The following FGGY variants were observed in gnomAD, a reference collection of about 807,000 sequenced individuals.
The protein encoded by FGGY is FGGY carbohydrate kinase domain containing.
In FGGY, 72 loss-of-function variants were observed where a neutral mutation model predicts 71.3. The observed-to-expected ratio is 1.01, with a 90% CI of 0.84 to 1.23. FGGY has a LOEUF of 1.23. Ranked by LOEUF, FGGY falls within the 50% of genes most tolerant of loss-of-function variation. The probability of loss-of-function intolerance (pLI) is 0.00; values close to 1 mark genes in which losing one functional copy is unlikely to be tolerated. For missense variants in FGGY, 668 were observed against 682.3 expected (o/e 0.98, Z 0.23); for synonymous variants, 251 against 250.3 (o/e 1.00, Z -0.02).
intron 10 of FGGY, among the ~76,000 whole-genome samples, chr1:59,637,490 G>A (rs1176376117): frequency 1.3e-5 from 2 of 151,940 alleles, no homozygotes; most frequent in Non-Finnish European, 1.5e-5. Flanking sequence ...AAAATTAGCT[G>A]GGTGGGGAGG....
At chr1:59,348,536 C>T (rs1336088271) in intron 4 of FGGY, among the ~76,000 whole-genome samples, 3 of 152,098 alleles carry the variant, frequency 2.0e-5, no homozygotes, top group African/African-American at 7.2e-5. Flanking sequence ...GACTTGAAAA[C>T]CTCTAGGTGG....
At chr1:59,722,497 C>T (rs1370192793) in intron 14 of FGGY, among the ~76,000 whole-genome samples, 2 of 152,118 alleles carry the variant, frequency 1.3e-5, no homozygotes, top group African/African-American at 2.4e-5. Context: ...GGAGATTTGT[C>T]TCTTCTCATT....
At chr1:59,412,280 T>C (rs76392590) in intron 5 of FGGY, among the ~76,000 whole-genome samples, 1,797 of 152,272 alleles carry the variant, frequency 0.012, 19 homozygotes, top group African/African-American at 0.041. Context: ...TTCCCACACA[T>C]GTACAACCTG....
At chr1:59,706,231 A>G (rs1369811512) in intron 14 of FGGY, among the ~76,000 whole-genome samples, 1 of 152,188 alleles carries the variant, frequency 6.6e-6, no homozygotes, top group African/African-American at 2.4e-5. Context: ...TCTTAAGGCA[A>G]CACAGCACTA....
At chr1:59,301,172 G>A (rs2042685074) in intron 1 of FGGY, among the ~76,000 whole-genome samples, 1 of 151,882 alleles carries the variant, frequency 6.6e-6, no homozygotes, top group Non-Finnish European at 1.5e-5. Flanking sequence ...TCAATATGTA[G>A]GTCTTACACA....
intron 8 of FGGY, among the ~76,000 whole-genome samples, chr1:59,593,195 CAG>C (rs2096477834): frequency 6.6e-6 from 1 of 152,214 alleles, no homozygotes; most frequent in South Asian, 2.1e-4. Flanking sequence ...TGAATCAAAA[CAG>C]AAATGAACCA....
intron 5 of FGGY, among the ~76,000 whole-genome samples, chr1:59,419,823 G>A (rs1392670731): frequency 1.4e-5 from 2 of 146,738 alleles, no homozygotes; most frequent in Non-Finnish European, 3.0e-5. Flanking sequence ...CAAATTATGT[G>A]TCAATGGATT....
chr1:59,427,439 G>T (rs569462629), intron 5 of FGGY, among the ~76,000 whole-genome samples: 1 of 152,292 alleles, frequency 6.6e-6, no homozygotes, highest in African/African-American at 2.4e-5. Flanking sequence ...GGAGGTAAGA[G>T]TTGGTTACCT....
intron 14 of FGGY, chr1:59,699,250 C>T (rs2097689968): frequency 2.2e-5 from 22 of 985,106 alleles, no homozygotes; most frequent in Non-Finnish European, 2.7e-5. Context: ...TATTTTTCTT[C>T]TTCTTGGGGT....
chr1:59,500,734 C>G (rs886559211), intron 6 of FGGY, among the ~76,000 whole-genome samples: 7 of 148,004 alleles, frequency 4.7e-5, no homozygotes, highest in African/African-American at 1.7e-4. Flanking sequence ...GAAATGTGTG[C>G]TTTTCAAAAC....
intron 9 of FGGY, among the ~76,000 whole-genome samples, chr1:59,612,685 G>A (rs571918281): frequency 1.2e-3 from 184 of 152,248 alleles, no homozygotes; most frequent in African/African-American, 4.2e-3. Context: ...TGCTCCAATT[G>A]AAAGACACAG....
At chr1:59,400,988 G>A (rs1013352816) in intron 5 of FGGY, among the ~76,000 whole-genome samples, 1 of 151,938 alleles carries the variant, frequency 6.6e-6, no homozygotes, top group African/African-American at 2.4e-5. Flanking sequence ...TGAGAACTAA[G>A]CAGTTCCATA....
chr1:59,422,482 C>G (rs1472491258), intron 5 of FGGY, among the ~76,000 whole-genome samples: 1 of 152,040 alleles, frequency 6.6e-6, no homozygotes, highest in East Asian at 1.9e-4. Context: ...ATTGCTTGAG[C>G]CCAGGAGTTT....
chr1:59,753,014 TTGTG>T (rs1490692303), intron 14 of FGGY, among the ~76,000 whole-genome samples: 1 of 152,182 alleles, frequency 6.6e-6, no homozygotes, highest in African/African-American at 2.4e-5. Flanking sequence ...AAAGCTTTCA[TTGTG>T]TGGGCAAAAG....
intron 11 of FGGY, among the ~76,000 whole-genome samples, chr1:59,659,001 C>G (rs2097249822): frequency 6.6e-6 from 1 of 152,100 alleles, no homozygotes. Flanking sequence ...GCAGGTGTAT[C>G]ATATGAGGTC....
At chr1:59,521,259 G>C (rs901513125) in intron 7 of FGGY, among the ~76,000 whole-genome samples, 1 of 152,144 alleles carries the variant, frequency 6.6e-6, no homozygotes, top group African/African-American at 2.4e-5. Context: ...CAGTTCATGA[G>C]CCGTGGCAAC....
At chr1:59,534,649 A>C (rs2095261810) in intron 7 of FGGY, among the ~76,000 whole-genome samples, 1 of 152,210 alleles carries the variant, frequency 6.6e-6, no homozygotes, top group African/African-American at 2.4e-5. Context: ...GAAACTCTAC[A>C]AGCCAGAAGA....
At chr1:59,745,375 G>A (rs183296566) in intron 14 of FGGY, among the ~76,000 whole-genome samples, 7 of 152,318 alleles carry the variant, frequency 4.6e-5, no homozygotes, top group African/African-American at 1.7e-4. Context: ...ACCCAGAGCA[G>A]TTGGCCTAGT....
chr1:59,388,699 T>G (rs1037225431), intron 5 of FGGY, among the ~76,000 whole-genome samples: 2 of 152,186 alleles, frequency 1.3e-5, no homozygotes, highest in Admixed American at 1.3e-4. Context: ...ATTCACATAC[T>G]ATATGATTCA....
Sources: gnomAD v4.1 joint callset for allele counts (sites outside exome capture counted in the v4.1 genomes callset) on GRCh38, gnomAD v4.1.1 for gene constraint, MANE v1.5 for transcripts, NCBI Gene and HGNC (gene_info 2026-07-23, HGNC 2026-07-21) for gene names.